WDR3: variants seen among roughly 807,000 people sequenced by gnomAD.
WDR3 encodes WD repeat-containing protein 3.
WDR3 carries 81 observed loss-of-function variants against 123.7 expected under a neutral mutation model. That is an observed-to-expected ratio of 0.65 (90% CI 0.55 to 0.79). The LOEUF is 0.79. Among genes scored for constraint, WDR3 ranks in the 30% least tolerant of loss-of-function variants. The pLI, the probability that WDR3 is intolerant of heterozygous loss-of-function variation, is 0.00. For synonymous variants in WDR3, 390 were observed against 388.8 expected (o/e 1.00, Z -0.04); for missense variants, 1,027 against 1,123.2 (o/e 0.91, Z 1.22).
intron 13 of WDR3, among the ~76,000 whole-genome samples, chr1:117,948,906 G>A (rs1330763167): frequency 6.6e-6 from 1 of 152,060 alleles, no homozygotes; most frequent in East Asian, 1.9e-4. Context: ...CAATAAATAT[G>A]TGCTCACCTT....
At chr1:117,931,480 G>A (rs993688216) in intron 1 of WDR3, among the ~76,000 whole-genome samples, 3 of 152,240 alleles carry the variant, frequency 2.0e-5, no homozygotes, top group African/African-American at 4.8e-5. Context: ...GAAGAAAAGA[G>A]AGGGGTACCA....
In WDR3 at chr1:117,961,108, C is replaced by G. The variant is rs1388889951; in HGVS notation, c.*1661C>G. ...ACCAGCCTGGCCAACATGGTGAAAC[C>G]TCATCTCTACTAAAAATACAAAAAA... On this transcript the variant is annotated 3_prime_UTR_variant, in exon 27 of 27. Coordinates refer to ENST00000349139, the MANE Select transcript of WDR3 (RefSeq NM_006784.3). 1.3e-5 allele frequency: 2 copies of G among 152,268 alleles called. No individual in the cohort carries two copies. Among genetic ancestry groups the G allele is most frequent in the East Asian group, 3.9e-4 (2 of 5,178 alleles). The allele number at this position is 152,268 out of a possible 1,614,324, so 9.4% of individuals were successfully genotyped here.
rs1557822387 is a variant in WDR3, at chr1:117,950,008, C to G, written c.1624C>G (p.Gln542Glu). 1.2e-6 allele frequency: 2 copies of G among 1,613,752 alleles called. No individual in the cohort carries two copies. Among genetic ancestry groups the G allele is most frequent in the Middle Eastern group, 1.6e-4 (1 of 6,062 alleles). Residue 542 changes from glutamine (Q) to glutamate (E), a missense_variant, in exon 15 of 27, where the codon CAA (glutamine) becomes GAA (glutamate). Coordinates refer to ENST00000349139, the MANE Select transcript of WDR3 (RefSeq NM_006784.3). ...NSTQKRLSVK[Q>E]TRTLQLDEDV... is the part of the protein sequence containing the mutation. ...TTGTGGTGCTAGACTTTCTGTGAAG[C>G]AAACCCGAACTTTGCAACTAGATGA...
At chr1:117,954,973 AAAG>A in intron 23 of WDR3, 1 of 383,502 alleles carries the variant, frequency 2.6e-6, no homozygotes, top group Non-Finnish European at 4.6e-6. Flanking sequence ...CTGATGAGAT[AAAG>A]AAGAGAGAGA....
chr1:117,933,648 CA>C lies in WDR3; in HGVS notation c.171+160del, dbSNP rs757052213. 1.6e-4 allele frequency: 147 copies of C among 904,412 alleles called. 1 individual carries two copies. The Middle Eastern group carries it at 1.7e-3, about 11-fold the overall frequency. 56.0% of individuals were successfully genotyped at this position (904,412 alleles called of 1,614,324 possible). On this transcript the variant is annotated intron_variant, in intron 2 of 26. Coordinates refer to ENST00000349139, the MANE Select transcript of WDR3 (RefSeq NM_006784.3). ...CCTTTAGGTCTAGCTAGCCAAGCATCAAGTTCCTTTGTGTTCTTCGCCACTG... is the reference window on the plus strand; with the variant it reads ...CCTTTAGGTCTAGCTAGCCAAGCATCAGTTCCTTTGTGTTCTTCGCCACTG...
rs752148868 is a variant in WDR3, at chr1:117,952,397, C to G, written c.2005C>G (p.Gln669Glu). The change falls in exon 18 of 27, where the codon CAG becomes GAG. Residue 669 changes from glutamine to glutamate, a missense_variant. Coordinates refer to ENST00000349139, the MANE Select transcript of WDR3 (RefSeq NM_006784.3). ...GGATGCAGACAAATTTGAACACATA[C>G]AGACTCTGGAGGTAACCACATGCCT... is the stretch of plus-strand genomic sequence containing the variant. ...QWDADKFEHI[Q>E]TLEGHHQEIW... The G allele has an allele frequency of 1.9e-6, 3 of 1,612,286 alleles. No homozygotes were observed. Among genetic ancestry groups the G allele is most frequent in the Non-Finnish European group, 2.5e-6 (3 of 1,179,176 alleles).
intron 24 of WDR3, among the ~76,000 whole-genome samples, chr1:117,956,623 A>G (rs1055900546): frequency 6.6e-6 from 1 of 152,200 alleles, no homozygotes; most frequent in African/African-American, 2.4e-5. Flanking sequence ...ATAATACTTG[A>G]GCTAGTTCTA....
At position 117,960,109 on chromosome 1, in the gene WDR3, CGTGTGTG is replaced by C. The variant is rs1213064724; in HGVS notation, c.*663_*669del. ...TGGGCTTCTGAGGAATTAATACACT[CGTGTGTG>C]TGTGTGTGTGTGTGTGTGTGTGTGT... On this transcript the variant is annotated 3_prime_UTR_variant, in exon 27 of 27. Coordinates refer to ENST00000349139, the MANE Select transcript of WDR3 (RefSeq NM_006784.3). 2.8e-5 allele frequency: 4 copies of C among 144,406 alleles called. No homozygotes were observed. Among genetic ancestry groups the C allele is most frequent in the South Asian group, 4.5e-4 (2 of 4,450 alleles). 8.9% of individuals were successfully genotyped at this position (144,406 alleles called of 1,614,324 possible).
Position 117,943,629 on chromosome 1 carries a change from T to A in WDR3, c.1328+3T>A, listed in dbSNP as rs1571015249. 6.2e-7 allele frequency: 1 copy of A among 1,613,778 alleles called. No individual in the cohort carries two copies. Among genetic ancestry groups the A allele is most frequent in the African/African-American group, 1.3e-5 (1 of 75,046 alleles). ...GATTCCATTAAAATATGGAACAGGT[T>A]CGTGAAATGATGTTTTATATAGCTG... On this transcript the variant is annotated splice_donor_region_variant and intron_variant, in intron 11 of 26. Coordinates refer to ENST00000349139, the MANE Select transcript of WDR3 (RefSeq NM_006784.3).
rs1288899584 is a variant in WDR3 at position 117,943,473 on chromosome 1, A to C, written c.1175A>C (p.Tyr392Ser). The C allele has an allele frequency of 6.2e-7, 1 of 1,613,980 alleles. No individual in the cohort carries two copies. The highest frequency in any genetic ancestry group is 1.3e-5 in the African/African-American group (1 of 74,896). The stretch of plus-strand genomic sequence containing the variant: ...CTGCAGAACAACCTGGTGGAATTGT[A>C]TTCACTGAATCCATCCTTGCCTACT... ...FLLQNNLVEL[Y>S]SLNPSLPTPQ... The change falls in exon 11 of 27, where the codon TAT becomes TCT. Residue 392 changes from tyrosine (Y) to serine (S), a missense_variant. By Grantham distance (144) the Tyr-to-Ser change is moderately radical. Transcript: ENST00000349139.
At position 117,943,520 on chromosome 1, in the gene WDR3, A is replaced by G. The variant is rs778301868; in HGVS notation, c.1222A>G (p.Arg408Gly). The change falls in exon 11 of 27, where the codon AGA becomes GGA. Residue 408 changes from arginine to glycine, a missense_variant. Arg to Gly is a moderately radical substitution (Grantham distance 125). Coordinates refer to ENST00000349139, the MANE Select transcript of WDR3 (RefSeq NM_006784.3). ...LPTPQPVRTS[R>G]ITIGGHRSDV... ...TACTCCTCAGCCTGTCAGGACAAGCAGAATCACTATTGGGGGTCATCGCAG... is the reference window on the plus strand; with the variant it reads ...TACTCCTCAGCCTGTCAGGACAAGCGGAATCACTATTGGGGGTCATCGCAG... 14 of 1,614,052 alleles carry G rather than the reference A, an allele frequency of 8.7e-6. No individual in the cohort carries two copies. Among genetic ancestry groups the G allele is most frequent in the East Asian group, 6.7e-5 (3 of 44,880 alleles).
chr1:117,944,929 G>A (rs1462772397), intron 11 of WDR3, among the ~76,000 whole-genome samples: 1 of 152,118 alleles, frequency 6.6e-6, no homozygotes, highest in East Asian at 1.9e-4. Context: ...CTGACCTCAA[G>A]TGATCCACCC....
chr1:117,943,906 A>G (rs545809497), intron 11 of WDR3, among the ~76,000 whole-genome samples: 41 of 152,288 alleles, frequency 2.7e-4, no homozygotes, highest in African/African-American at 9.9e-4. Flanking sequence ...AACTTAATAA[A>G]AAGCAGGCTG....
At position 117,939,468 on chromosome 1, in the gene WDR3, A is replaced by G. The variant is rs979976692; in HGVS notation, c.580-9A>G. On this transcript the variant is annotated splice_polypyrimidine_tract_variant and intron_variant, in intron 5 of 26. Transcript: ENST00000349139. ...AATCGTATTACTCAAATCTTTTTAT[A>G]TTCTATAGGTATGGGGGTTGGTTCT... 1 of 1,596,072 alleles carries G rather than the reference A, an allele frequency of 6.3e-7. No individual in the cohort carries two copies. The highest frequency in any genetic ancestry group is 2.3e-5 in the East Asian group (1 of 43,450).
chr1:117,952,829 T>C, intron 19 of WDR3, 117 bp from the exon 20 acceptor site: 1 of 1,435,148 alleles, frequency 7.0e-7, no homozygotes, highest in Non-Finnish European at 9.5e-7. Flanking sequence ...TAGGCAGAGA[T>C]AAAGATGCCA....
At chr1:117,956,143 A>G (rs1470263783) in intron 24 of WDR3, among the ~76,000 whole-genome samples, 1 of 152,152 alleles carries the variant, frequency 6.6e-6, no homozygotes, top group Non-Finnish European at 1.5e-5. Context: ...GTGAATTTTT[A>G]GTTACCTCTT....
intron 6 of WDR3, 56 bp downstream of exon 6, chr1:117,939,628 G>T (rs943596421): frequency 2.4e-5 from 37 of 1,542,758 alleles, no homozygotes; most frequent in Non-Finnish European, 3.1e-5. Context: ...AAGCACCTTG[G>T]ATTTAGAATC....
At chr1:117,935,523 C>G (rs1329787726) in intron 3 of WDR3, among the ~76,000 whole-genome samples, 1 of 151,824 alleles carries the variant, frequency 6.6e-6, no homozygotes, top group Non-Finnish European at 1.5e-5. Context: ...GATTACATTC[C>G]TAATTAGTAT....
intron 13 of WDR3, 122 bp from the exon 14 acceptor site, chr1:117,949,629 T>C (rs1237001267): frequency 8.6e-7 from 1 of 1,156,540 alleles, no homozygotes; most frequent in African/African-American, 1.6e-5. Flanking sequence ...AGAACCACGT[T>C]TTTCTTAATT....
Sources: allele counts gnomAD v4.1 joint callset (sites outside exome capture counted in the v4.1 genomes callset), GRCh38; gene constraint gnomAD v4.1.1; transcripts MANE v1.5; gene names NCBI Gene and HGNC (gene_info 2026-07-23, HGNC 2026-07-21).